The following PLXNC1 variants were observed in gnomAD, a reference collection of about 807,000 sequenced individuals.
The protein encoded by PLXNC1 is plexin C1.
Under a neutral mutation model 178.2 loss-of-function variants are expected in PLXNC1, and 75 were observed. The ratio of observed to expected loss-of-function variants is 0.42; its 90% CI spans 0.35 to 0.51. PLXNC1 has a LOEUF of 0.51. Among genes scored for constraint, PLXNC1 ranks in the 20% least tolerant of loss-of-function variants. The pLI, the probability that PLXNC1 is intolerant of heterozygous loss-of-function variation, is 0.02. For synonymous variants in PLXNC1, 790 were observed against 779.9 expected (o/e 1.01, Z -0.22); for missense variants, 1,503 against 1,984.4 (o/e 0.76, Z 4.61).
At chr12:94,168,388 ACTCT>A (rs1358704658) in intron 1 of PLXNC1, 1 of 152,160 alleles carries the variant, frequency 6.6e-6, no homozygotes, top group Non-Finnish European at 1.5e-5. Flanking sequence ...TTTGGTCGAC[ACTCT>A]CTCTGCTCTG....
At chr12:94,239,671 G>A (rs1031188557) in intron 10 of PLXNC1, among the ~76,000 whole-genome samples, 13 of 152,354 alleles carry the variant, frequency 8.5e-5, no homozygotes, top group African/African-American at 2.9e-4. Flanking sequence ...GTGACAGCGG[G>A]AATGTCGGAG....
chr12:94,235,720 A>G (rs11107471), intron 9 of PLXNC1, among the ~76,000 whole-genome samples: 63,986 of 151,968 alleles, frequency 0.42, 14,041 homozygotes, highest in African/African-American at 0.55. Flanking sequence ...AGCCAGAGAC[A>G]CTACCCAGAC....
chr12:94,300,648 CAA>C (rs1265706485), intron 27 of PLXNC1, among the ~76,000 whole-genome samples: 1 of 152,160 alleles, frequency 6.6e-6, no homozygotes, highest in Admixed American at 6.5e-5. Flanking sequence ...AGATTATAAT[CAA>C]GAGCTATCTG....
At chr12:94,175,697 C>T (rs1449550096) in intron 2 of PLXNC1, among the ~76,000 whole-genome samples, 2 of 152,356 alleles carry the variant, frequency 1.3e-5, no homozygotes, top group East Asian at 3.9e-4. Context: ...CCTATAAAAT[C>T]TTGAATGCTA....
intron 4 of PLXNC1, among the ~76,000 whole-genome samples, chr12:94,204,612 C>G (rs1304891199): frequency 1.3e-5 from 2 of 152,210 alleles, no homozygotes; most frequent in African/African-American, 4.8e-5. Context: ...TTTAGTTTGT[C>G]ACAGACTTCC....
rs900657689 is a variant in PLXNC1 at position 94,307,099 on chromosome 12, A to G, written c.*1814A>G. On this transcript the variant is annotated 3_prime_UTR_variant, in exon 31 of 31. Transcript: ENST00000258526. ...CAAAGGATCAGCTACAGCTTTATCT[A>G]AGTATTTACTAAATGCTACATGAGG... 1 of 152,196 alleles carries G rather than the reference A, an allele frequency of 6.6e-6. No homozygotes were observed. Among genetic ancestry groups the G allele is most frequent in the African/African-American group, 2.4e-5 (1 of 41,440 alleles). The allele number at this position is 152,196 out of a possible 1,614,324, so 9.4% of individuals were successfully genotyped here. A position where few individuals can be genotyped will look rare whatever the true frequency, so the allele number is the denominator to read the frequency against.
At chr12:94,214,057 C>T (rs1963571453) in intron 5 of PLXNC1, among the ~76,000 whole-genome samples, 1 of 150,594 alleles carries the variant, frequency 6.6e-6, no homozygotes, top group African/African-American at 2.4e-5. Flanking sequence ...ATTCCTTAAA[C>T]AATATGGTTC....
At position 94,149,118 on chromosome 12, in the gene PLXNC1, C is replaced by G; in HGVS notation, c.147C>G (p.Ile49Met). 3 of 1,587,062 alleles carry G rather than the reference C, an allele frequency of 1.9e-6. No individual in the cohort carries two copies. Among genetic ancestry groups the G allele is most frequent in the African/African-American group, 1.4e-5 (1 of 72,256 alleles). Residue 49 changes from isoleucine (I) to methionine (M), a missense_variant, in exon 1 of 31, where the codon ATC becomes ATG. By Grantham distance (10) the Ile-to-Met change is conservative. This residue lies in a region of PLXNC1 where 176 missense variants were observed against 180.7 expected (regional missense o/e 0.97). Transcript: ENST00000258526. Reference protein sequence around the residue: ...VWRSEQAIGAIAASQEDGVFV... With the variant: ...VWRSEQAIGAMAASQEDGVFV... Reference sequence around the variant, plus strand: ...GGTCGGAGCAAGCCATCGGAGCCATCGCGGCGAGCCAGGAGGACGGCGTGT... The same window carrying G: ...GGTCGGAGCAAGCCATCGGAGCCATGGCGGCGAGCCAGGAGGACGGCGTGT...
intron 17 of PLXNC1, among the ~76,000 whole-genome samples, chr12:94,257,411 G>T (rs1964873885): frequency 6.6e-6 from 1 of 152,202 alleles, no homozygotes; most frequent in Non-Finnish European, 1.5e-5. Context: ...GAAGAAATAA[G>T]GGTAGGCAGA....
intron 4 of PLXNC1, among the ~76,000 whole-genome samples, chr12:94,205,459 A>G (rs1282262587): frequency 1.3e-5 from 2 of 152,190 alleles, no homozygotes; most frequent in Admixed American, 1.3e-4. Flanking sequence ...TACATTATGG[A>G]TAAGTAGGTT....
chr12:94,168,084 A>G (rs1213079541), intron 1 of PLXNC1: 1 of 152,256 alleles, frequency 6.6e-6, no homozygotes, highest in Admixed American at 6.5e-5. Flanking sequence ...AATGAAGTTA[A>G]TAAGTCTTAG....
At chr12:94,214,320 C>T (rs760858648) in intron 5 of PLXNC1, among the ~76,000 whole-genome samples, 2 of 152,076 alleles carry the variant, frequency 1.3e-5, no homozygotes, top group Non-Finnish European at 2.9e-5. Flanking sequence ...CCCCTGGGCT[C>T]AAGTGATCCT....
At chr12:94,265,336 C>T (rs960964974) in intron 21 of PLXNC1, 111 bp downstream of exon 21, 10 of 934,748 alleles carry the variant, frequency 1.1e-5, no homozygotes, top group African/African-American at 6.6e-5. Context: ...TGCGGGAGGC[C>T]CTGTGTGTTT....
intron 2 of PLXNC1, among the ~76,000 whole-genome samples, chr12:94,171,598 G>A (rs3930105): frequency 0.63 from 96,182 of 151,976 alleles, 30,443 homozygotes; most frequent in South Asian, 0.72. Context: ...CCCCTATGCT[G>A]CACTGACTTT....
intron 1 of PLXNC1, among the ~76,000 whole-genome samples, chr12:94,157,444 C>A (rs1961217373): frequency 6.6e-6 from 1 of 152,188 alleles, no homozygotes; most frequent in Non-Finnish European, 1.5e-5. Flanking sequence ...ATGGGTCTAA[C>A]CTGTTCATCA....
intron 4 of PLXNC1, among the ~76,000 whole-genome samples, chr12:94,190,055 GA>G (rs1377761446): frequency 3.9e-5 from 6 of 152,286 alleles, no homozygotes; most frequent in African/African-American, 1.4e-4. Context: ...GGATCTTCCA[GA>G]AGAGGCTGCA....
At chr12:94,288,138 A>C (rs1296534614) in intron 23 of PLXNC1, among the ~76,000 whole-genome samples, 1 of 152,262 alleles carries the variant, frequency 6.6e-6, no homozygotes, top group Non-Finnish European at 1.5e-5. Flanking sequence ...CTGATTGAGG[A>C]GAAATCCTGG....
At chr12:94,221,781 C>T (rs1963802950) in intron 6 of PLXNC1, among the ~76,000 whole-genome samples, 1 of 152,166 alleles carries the variant, frequency 6.6e-6, no homozygotes, top group South Asian at 2.1e-4. Context: ...GCTGTATTCT[C>T]ACATACAGAA....
intron 14 of PLXNC1, among the ~76,000 whole-genome samples, chr12:94,251,187 C>T (rs553292523): frequency 6.6e-6 from 1 of 152,200 alleles, no homozygotes; most frequent in Non-Finnish European, 1.5e-5. Flanking sequence ...AAAATTAAGA[C>T]TCTGAGGGTC....
Sources: allele counts gnomAD v4.1 joint callset (sites outside exome capture counted in the v4.1 genomes callset), GRCh38; gene constraint gnomAD v4.1.1; regional missense constraint gnomAD v4.1.1; transcripts MANE v1.5; gene names NCBI Gene and HGNC (gene_info 2026-07-23, HGNC 2026-07-21).